The following PLXNA4 variants were observed in gnomAD, a reference collection of about 807,000 sequenced individuals.
PLXNA4 encodes plexin-A4.
PLXNA4 carries 44 observed loss-of-function variants against 191.8 expected under a neutral mutation model. That is an observed-to-expected ratio of 0.23 (90% confidence interval 0.18 to 0.29). PLXNA4 has a LOEUF of 0.29. Among genes scored for constraint, PLXNA4 ranks in the 10% least tolerant of loss-of-function variants. PLXNA4 has a pLI of 1.00. For synonymous variants in PLXNA4, 1,082 were observed against 1,009.5 expected, an observed-to-expected ratio of 1.07 and a Z score of -1.36; for missense variants, 1,800 against 2,488.8, an observed-to-expected ratio of 0.72 and a Z score of 5.89.
intron 4 of PLXNA4, among the ~76,000 whole-genome samples, chr7:132,283,343 C>T (rs1433728081): frequency 6.6e-6 from 1 of 152,134 alleles, no homozygotes; most frequent in Non-Finnish European, 1.5e-5. Flanking sequence ...AAATGTGTGC[C>T]TTTTGGAAAA....
At position 132,180,566 on chromosome 7, in the gene PLXNA4, T is replaced by C; in HGVS notation, c.3639+20A>G. 1 of 1,614,056 alleles carries C rather than the reference T, an allele frequency of 6.2e-7. No homozygotes were observed. The highest frequency in any genetic ancestry group is 8.5e-7 in the Non-Finnish European group (1 of 1,179,936). On this transcript the variant is annotated intron_variant, in intron 19 of 31. Coordinates refer to ENST00000321063, the MANE Select transcript of PLXNA4 (RefSeq NM_020911.2). ...TCCCTACTGCCCGCTCCATCCAGGA[T>C]GGGGTTCTGCCAGCCTCACCATCAC...
chr7:132,156,179 C>CACACAG (rs1795791907), intron 25 of PLXNA4, among the ~76,000 whole-genome samples: 1 of 151,040 alleles, frequency 6.6e-6, no homozygotes, highest in African/African-American at 2.5e-5. Context: ...CACACACACA[C>CACACAG]ACAGACGCAC....
In PLXNA4 at chr7:132,126,909, G is replaced by GTAAC. The variant is rs905231947; in HGVS notation, c.*3566_*3569dup. The stretch of plus-strand genomic sequence containing the variant: ...GGCAAGAAAATATTTTCCTGAGGAA[G>GTAAC]TAACTGGCATGATGGCCACCTTCAC... On this transcript the variant is annotated 3_prime_UTR_variant, in exon 32 of 32. Transcript: ENST00000321063. 2.0e-5 allele frequency: 3 copies of GTAAC among 152,170 alleles called. No individual in the cohort carries two copies. The highest frequency in any genetic ancestry group is 4.8e-5 in the African/African-American group (2 of 41,428). The allele number at this position is 152,170 out of a possible 1,614,324, so 9.4% of individuals were successfully genotyped here.
At chr7:132,478,840 A>C (rs1232719149) in intron 3 of PLXNA4, among the ~76,000 whole-genome samples, 2 of 152,144 alleles carry the variant, frequency 1.3e-5, no homozygotes, top group Non-Finnish European at 2.9e-5. Context: ...CCAGCCCCAG[A>C]ATACTCATAT....
At chr7:132,268,656 T>C (rs547850697) in intron 4 of PLXNA4, among the ~76,000 whole-genome samples, 25 of 152,318 alleles carry the variant, frequency 1.6e-4, no homozygotes, top group Middle Eastern at 6.8e-3. Context: ...TAGGTGCCTA[T>C]GGACTAATCT....
rs1390746761 is a variant in PLXNA4, at chr7:132,124,264, TAAC to T, written c.*6212_*6214del. The T allele has an allele frequency of 6.6e-6, 1 of 152,184 alleles. No homozygotes were observed. Among genetic ancestry groups the T allele is most frequent in the Non-Finnish European group, 1.5e-5 (1 of 68,034 alleles). The allele number at this position is 152,184 out of a possible 1,614,324, so 9.4% of individuals were successfully genotyped here. ...CTTTTCATTTTAAGAACAGAAGGTT[TAAC>T]AAGTCAACAAGCTAACTAGAACGTC... On this transcript the variant is annotated 3_prime_UTR_variant, in exon 32 of 32. Transcript: ENST00000321063.
At chr7:132,413,233 A>C (rs1279021118) in intron 3 of PLXNA4, among the ~76,000 whole-genome samples, 2 of 152,192 alleles carry the variant, frequency 1.3e-5, no homozygotes, top group Admixed American at 1.3e-4. Context: ...CTGCACAGGC[A>C]CACAGCAAAG....
intron 2 of PLXNA4, among the ~76,000 whole-genome samples, chr7:132,596,160 C>T (rs1313942464): frequency 1.7e-4 from 26 of 152,092 alleles, no homozygotes; most frequent in Admixed American, 1.7e-3. Context: ...TTGATGAACC[C>T]AAGCTGATAG....
chr7:132,356,468 GATT>G (rs1455588670), intron 3 of PLXNA4, among the ~76,000 whole-genome samples: 1 of 152,210 alleles, frequency 6.6e-6, no homozygotes, highest in African/African-American at 2.4e-5. Context: ...ATGTTTTGAA[GATT>G]CCCATATTCT....
intron 2 of PLXNA4, among the ~76,000 whole-genome samples, chr7:132,605,280 G>A (rs528040546): frequency 3.9e-5 from 6 of 152,256 alleles, no homozygotes; most frequent in South Asian, 2.1e-4. Flanking sequence ...TCGTAGCCCC[G>A]GTAGATGAGA....
intron 3 of PLXNA4, among the ~76,000 whole-genome samples, chr7:132,395,604 G>A (rs1306855642): frequency 6.6e-6 from 1 of 152,236 alleles, no homozygotes. Context: ...CCAGGGGGAA[G>A]CAGCAGCCAG....
chr7:132,245,270 T>C (rs941904521), intron 4 of PLXNA4, among the ~76,000 whole-genome samples: 3 of 152,174 alleles, frequency 2.0e-5, no homozygotes, highest in South Asian at 2.1e-4. Context: ...GCCATAATGA[T>C]AGATTGTCTC....
intron 3 of PLXNA4, among the ~76,000 whole-genome samples, chr7:132,314,994 A>G (rs911633297): frequency 6.6e-6 from 1 of 152,242 alleles, no homozygotes; most frequent in Admixed American, 6.5e-5. Flanking sequence ...TCCATAAATA[A>G]AAGTGTCAGG....
intron 1 of PLXNA4, among the ~76,000 whole-genome samples, chr7:132,528,765 G>A (rs1339933602): frequency 6.6e-6 from 1 of 152,252 alleles, no homozygotes; most frequent in Admixed American, 6.5e-5. Context: ...GAGAAGGGAA[G>A]TGCCAGGAGT....
intron 10 of PLXNA4, among the ~76,000 whole-genome samples, chr7:132,203,731 G>T (rs1797520649): frequency 6.6e-6 from 1 of 152,232 alleles, no homozygotes; most frequent in Admixed American, 6.5e-5. Context: ...TGGGTCTCAG[G>T]CAGGAGGCCT....
chr7:132,265,367 GCTATATTGGT>G (rs1563000396), intron 4 of PLXNA4, among the ~76,000 whole-genome samples: 1 of 152,198 alleles, frequency 6.6e-6, no homozygotes, highest in Non-Finnish European at 1.5e-5. Flanking sequence ...TAAGTACTGT[GCTATATTGGT>G]CAGGTCAGGC....
chr7:132,321,874 G>A lies in PLXNA4; in HGVS notation c.1372-23652C>T, dbSNP rs139937225. Among the ~76,000 whole-genome samples the A allele has an allele frequency of 1.5e-3, 230 of 152,232 alleles. 1 individual carries two copies. The highest frequency in any genetic ancestry group is 5.1e-3 in the African/African-American group (211 of 41,540). ...GGGAGGAGGGAAGCCTGGGTGGGGC[G>A]GAGGGGGCATAGGAAGTCCTAAACT... On this transcript the variant is annotated intron_variant, in intron 3 of 31. Transcript: ENST00000321063.
chr7:132,583,610 C>G (rs780983497), intron 2 of PLXNA4, among the ~76,000 whole-genome samples: 2 of 152,162 alleles, frequency 1.3e-5, no homozygotes, highest in Non-Finnish European at 2.9e-5. Flanking sequence ...AGAGAAAGAG[C>G]CGCAGACAGT....
chr7:132,301,270 A>G (rs1199630895), intron 3 of PLXNA4, among the ~76,000 whole-genome samples: 1 of 152,216 alleles, frequency 6.6e-6, no homozygotes, highest in Non-Finnish European at 1.5e-5. Context: ...GAATTTACTG[A>G]ATGTTTGATG....
Sources: gnomAD v4.1 joint callset for allele counts (sites outside exome capture counted in the v4.1 genomes callset) on GRCh38, gnomAD v4.1.1 for gene constraint, MANE v1.5 for transcripts, NCBI Gene and HGNC (gene_info 2026-07-23, HGNC 2026-07-21) for gene names.